Variants in DGKB observed in about 807,000 individuals in gnomAD.
DGKB encodes the protein diacylglycerol kinase beta, also known as 90 kDa diacylglycerol kinase.
DGKB carries 67 observed loss-of-function variants against 114.3 expected under a neutral mutation model. The observed-to-expected ratio is 0.59, with a 90% CI of 0.48 to 0.72. The LOEUF is 0.72. DGKB is among the 30% of genes least tolerant of loss of function. The pLI is 0.00. For missense variants in DGKB, 907 were observed against 975.2 expected, an observed-to-expected ratio of 0.93 and a Z score of 0.93; for synonymous variants, 398 against 323.1, an observed-to-expected ratio of 1.23 and a Z score of -2.49.
chr7:14,501,223 G>C (rs1786116734), intron 20 of DGKB, among the ~76,000 whole-genome samples: 1 of 151,796 alleles, frequency 6.6e-6, no homozygotes, highest in African/African-American at 2.4e-5. Context: ...ATATTTAAGG[G>C]CCTGCCCAGG....
At chr7:14,520,226 T>TTTTTTTTTGGTG (rs71004309) in intron 20 of DGKB, among the ~76,000 whole-genome samples, 1 of 150,082 alleles carries the variant, frequency 6.7e-6, no homozygotes, top group Non-Finnish European at 1.5e-5. Context: ...TTTTTTTTTT[T>TTTTTTTTTGGTG]GCAGGAGGCA....
At chr7:14,208,199 G>C (rs1787146083) in intron 23 of DGKB, among the ~76,000 whole-genome samples, 1 of 151,958 alleles carries the variant, frequency 6.6e-6, no homozygotes, top group Non-Finnish European at 1.5e-5. Context: ...TTAGTGCTAT[G>C]CTTGGCCCAA....
At chr7:14,331,571 C>A (rs1462835893) in intron 23 of DGKB, among the ~76,000 whole-genome samples, 1 of 151,908 alleles carries the variant, frequency 6.6e-6, no homozygotes, top group African/African-American at 2.4e-5. Flanking sequence ...ATAAGAATAA[C>A]TTTTACAAGG....
At chr7:14,488,240 G>C (rs1784107156) in intron 20 of DGKB, among the ~76,000 whole-genome samples, 1 of 152,080 alleles carries the variant, frequency 6.6e-6, no homozygotes, top group Non-Finnish European at 1.5e-5. Flanking sequence ...CTTCCAAGAA[G>C]AGAATATAAA....
chr7:14,464,976 G>A (rs1563241733), intron 21 of DGKB, among the ~76,000 whole-genome samples: 1 of 152,138 alleles, frequency 6.6e-6, no homozygotes, highest in Non-Finnish European at 1.5e-5. Flanking sequence ...TCACTAAGTT[G>A]TGATATGAGT....
chr7:14,571,322 T>C (rs775404981), intron 20 of DGKB, among the ~76,000 whole-genome samples: 1 of 152,230 alleles, frequency 6.6e-6, no homozygotes, highest in Admixed American at 6.5e-5. Flanking sequence ...TCAGTGGAAC[T>C]GACTTGATTT....
At chr7:14,264,229 A>G (rs1797179191) in intron 23 of DGKB, among the ~76,000 whole-genome samples, 1 of 152,196 alleles carries the variant, frequency 6.6e-6, no homozygotes, top group Non-Finnish European at 1.5e-5. Flanking sequence ...TATCCAGGTG[A>G]AGCAGAGAAA....
intron 13 of DGKB, among the ~76,000 whole-genome samples, chr7:14,634,865 C>G (rs1810439184): frequency 6.6e-6 from 1 of 151,336 alleles, no homozygotes. Flanking sequence ...ATTGTGTACA[C>G]TCACACATAT....
intron 23 of DGKB, among the ~76,000 whole-genome samples, chr7:14,279,327 G>T (rs1044483380): frequency 1.5e-4 from 23 of 152,166 alleles, no homozygotes; most frequent in African/African-American, 5.3e-4. Context: ...CATTGCCCAG[G>T]CTTGATTAGG....
chr7:14,676,871 T>TA (rs1293469200), intron 12 of DGKB, among the ~76,000 whole-genome samples: 2 of 151,984 alleles, frequency 1.3e-5, no homozygotes, highest in South Asian at 2.1e-4. Context: ...ATTTAAAATT[T>TA]AAAAAAACAT....
intron 25 of DGKB, among the ~76,000 whole-genome samples, chr7:14,156,226 T>C (rs577151293): frequency 6.6e-6 from 1 of 152,296 alleles, no homozygotes; most frequent in African/African-American, 2.4e-5. Flanking sequence ...GGTACAATGG[T>C]CTGTATGTCC....
At chr7:14,181,043 T>C (rs1364741920) in intron 23 of DGKB, among the ~76,000 whole-genome samples, 2 of 152,124 alleles carry the variant, frequency 1.3e-5, no homozygotes, top group African/African-American at 4.8e-5. Flanking sequence ...AAGAATGGTT[T>C]TATATATTTA....
intron 1 of DGKB, among the ~76,000 whole-genome samples, chr7:14,942,238 C>T (rs575984176): frequency 1.1e-4 from 17 of 151,704 alleles, no homozygotes; most frequent in African/African-American, 4.1e-4. Context: ...GACTAATTTA[C>T]CACTGGAAAT....
chr7:14,652,427 T>G (rs1814752500), intron 13 of DGKB, among the ~76,000 whole-genome samples: 1 of 151,686 alleles, frequency 6.6e-6, no homozygotes, highest in South Asian at 2.1e-4. Flanking sequence ...TAAATGGTGC[T>G]GGGAAAACTG....
At chr7:14,648,512 CACCA>C (rs139278905) in intron 13 of DGKB, among the ~76,000 whole-genome samples, 101,436 of 151,020 alleles carry the variant, frequency 0.67, 34,476 homozygotes, top group East Asian at 0.79. Flanking sequence ...CATCATCAAA[CACCA>C]AAAGTAGATA....
intron 21 of DGKB, among the ~76,000 whole-genome samples, chr7:14,357,342 A>G (rs1405905592): frequency 6.6e-6 from 1 of 152,050 alleles, no homozygotes; most frequent in Non-Finnish European, 1.5e-5. Context: ...TCCCTTTACC[A>G]TTACGTAATG....
chr7:14,857,804 G>A (rs1274403904), intron 1 of DGKB, among the ~76,000 whole-genome samples: 8 of 151,494 alleles, frequency 5.3e-5, no homozygotes, highest in African/African-American at 1.9e-4. Flanking sequence ...TGCCTTTTTT[G>A]TTAGGATTTT....
Position 14,591,869 on chromosome 7 carries a change from G to T in DGKB, c.1434-8732C>A, listed in dbSNP as rs1057326800. On this transcript the variant is annotated intron_variant, in intron 17 of 25. Transcript: ENST00000402815. Reference sequence around the variant, plus strand: ...AGTAAATTTTCACTTGTACCTAATTGTTATTAGGTACAAAGCACACCAGGA... The same window carrying T: ...AGTAAATTTTCACTTGTACCTAATTTTTATTAGGTACAAAGCACACCAGGA... Among the ~76,000 whole-genome samples the T allele has an allele frequency of 6.6e-5, 10 of 151,932 alleles. No homozygotes were observed. The East Asian group carries it at 1.9e-3, about 29-fold the overall frequency.
At chr7:14,319,418 T>G (rs1016804718) in intron 23 of DGKB, among the ~76,000 whole-genome samples, 2 of 152,178 alleles carry the variant, frequency 1.3e-5, no homozygotes, top group Non-Finnish European at 2.9e-5. Context: ...AAATTTTTGT[T>G]TTTTAAATAT....
Sources: gnomAD v4.1 joint callset for allele counts (sites outside exome capture counted in the v4.1 genomes callset) on GRCh38, gnomAD v4.1.1 for gene constraint, MANE v1.5 for transcripts, NCBI Gene and HGNC (gene_info 2026-07-23, HGNC 2026-07-21) for gene names.